Variants in FAT4 observed in about 807,000 individuals in gnomAD.
The protein encoded by FAT4 is protocadherin Fat 4.
Under a neutral mutation model 303.9 loss-of-function variants are expected in FAT4, and 84 were observed. The observed-to-expected ratio is 0.28, with a 90% CI of 0.23 to 0.33. The LOEUF is 0.33. Ranked by LOEUF, FAT4 falls within the 10% of genes least tolerant of loss-of-function variation. FAT4 has a pLI of 1.00. For missense variants in FAT4, 6,005 were observed against 6,146.8 expected (o/e 0.98, Z 0.77); for synonymous variants, 2,307 against 2,298.8 (o/e 1.00, Z -0.10).
At chr4:125,472,824 C>T (rs1726908973) in intron 12 of FAT4, among the ~76,000 whole-genome samples, 1 of 152,170 alleles carries the variant, frequency 6.6e-6, no homozygotes, top group South Asian at 2.1e-4. Flanking sequence ...GCTGCTCAGA[C>T]ATGTCATTCA....
chr4:125,371,984 A>C (rs2125992175), intron 2 of FAT4, among the ~76,000 whole-genome samples: 1 of 152,240 alleles, frequency 6.6e-6, no homozygotes, highest in African/African-American at 2.4e-5. Flanking sequence ...GGCACTTGAT[A>C]GGCATTTACT....
intron 7 of FAT4, among the ~76,000 whole-genome samples, chr4:125,433,535 T>C (rs1388814376): frequency 6.6e-6 from 1 of 152,160 alleles, no homozygotes; most frequent in Non-Finnish European, 1.5e-5. Flanking sequence ...CTAGTACAGA[T>C]AGTGTGGCCC....
At chr4:125,418,474 T>C (rs755820124) in intron 7 of FAT4, among the ~76,000 whole-genome samples, 109 of 152,320 alleles carry the variant, frequency 7.2e-4, no homozygotes, top group Non-Finnish European at 2.2e-4. Context: ...TAACTACTCC[T>C]GTCTACTGCT....
In FAT4 at chr4:125,450,225, CT is replaced by C; in HGVS notation, c.9217del (p.Ser3073ProfsTer7). 1 of 1,614,012 alleles carries C rather than the reference CT, an allele frequency of 6.2e-7. No individual in the cohort carries two copies. Among genetic ancestry groups the C allele is most frequent in the Non-Finnish European group, 8.5e-7 (1 of 1,179,994 alleles). On this transcript the variant is annotated frameshift_variant, in exon 10 of 18. Transcript: ENST00000394329. LOFTEE classifies it high-confidence loss of function. Reference sequence around the variant, plus strand: ...AAGGATAAGGGAAACCCTCCACTTTCTTCCCAAGCAACTGTTCACATAACTG... The same window carrying C: ...AAGGATAAGGGAAACCCTCCACTTTCTCCCAAGCAACTGTTCACATAACTG... ...TAKDKGNPPL[S>X]SQATVHITVT...
chr4:125,468,007 A>G (rs1053811682), intron 11 of FAT4, among the ~76,000 whole-genome samples: 3 of 152,140 alleles, frequency 2.0e-5, no homozygotes, highest in Non-Finnish European at 4.4e-5. Context: ...TCTATTAAAA[A>G]TACAAAATTA....
chr4:125,449,926 C>T lies in FAT4; in HGVS notation c.8916C>T (p.Thr2972=), dbSNP rs147020561. 8.1e-6 allele frequency: 13 copies of T among 1,613,666 alleles called. No homozygotes were observed. The highest frequency in any genetic ancestry group is 1.0e-5 in the Non-Finnish European group (12 of 1,179,920). Residue 2972 remains threonine, a synonymous_variant, in exon 10 of 18, where the codon ACC becomes ACT. Transcript: ENST00000394329. The part of the protein sequence containing the change: ...KPSLISETTV[T]INIVDSNDNA... The stretch of plus-strand genomic sequence containing the variant: ...CCTTAATTAGTGAGACAACAGTTAC[C>T]ATCAATATAGTGGACAGTAATGACA...
At chr4:125,366,947 T>G (rs528597791) in intron 2 of FAT4, among the ~76,000 whole-genome samples, 22 of 152,196 alleles carry the variant, frequency 1.4e-4, no homozygotes, top group African/African-American at 4.8e-4. Flanking sequence ...TTAATGGTAT[T>G]TGTTATTTTT....
chr4:125,339,598 C>T (rs1731701959), intron 2 of FAT4, among the ~76,000 whole-genome samples: 1 of 152,156 alleles, frequency 6.6e-6, no homozygotes, highest in African/African-American at 2.4e-5. Flanking sequence ...CTAAAACTAA[C>T]ATTTATTTAA....
chr4:125,462,983 G>C (rs1272423438), intron 10 of FAT4, among the ~76,000 whole-genome samples: 1 of 151,914 alleles, frequency 6.6e-6, no homozygotes, highest in Admixed American at 6.6e-5. Flanking sequence ...TATCGCTTCA[G>C]ACAAAAGACA....
chr4:125,359,107 A>G (rs940905133), intron 2 of FAT4, among the ~76,000 whole-genome samples: 1 of 152,190 alleles, frequency 6.6e-6, no homozygotes, highest in Non-Finnish European at 1.5e-5. Flanking sequence ...ATAAATATCT[A>G]TATAGAATTA....
chr4:125,428,824 C>T (rs567306628), intron 7 of FAT4, among the ~76,000 whole-genome samples: 9 of 152,258 alleles, frequency 5.9e-5, no homozygotes, highest in Admixed American at 2.0e-4. Flanking sequence ...TTCTTAACCT[C>T]TACAATTACA....
chr4:125,477,474 T>A, intron 14 of FAT4, 140 bp downstream of exon 14: 1 of 752,968 alleles, frequency 1.3e-6, no homozygotes, highest in Non-Finnish European at 2.0e-6. Context: ...TTTTAAATAC[T>A]ATACCTTTGA....
chr4:125,456,154 C>G (rs888252328), intron 10 of FAT4, among the ~76,000 whole-genome samples: 1 of 151,978 alleles, frequency 6.6e-6, no homozygotes, highest in East Asian at 1.9e-4. Context: ...GACTTCCAGC[C>G]CTTGCAATAT....
chr4:125,491,490 C>T lies in FAT4; in HGVS notation c.14674C>T (p.Pro4892Ser). ...AGATAATTATGGAGCCAGACTGAAG[C>T]CTCGAAGGTACCACGGTCGCAGGGC... ...DEDNYGARLK[P>S]RRYHGRRAEG... is the part of the protein sequence containing the mutation. Residue 4892 changes from proline (P) to serine (S), a missense_variant, in exon 18 of 18, where the codon CCT (proline) becomes TCT (serine). Pro to Ser is a moderately conservative substitution (Grantham distance 74, BLOSUM62 -1). Coordinates refer to ENST00000394329, the MANE Select transcript of FAT4 (RefSeq NM_001291303.3). The T allele has an allele frequency of 6.2e-7, 1 of 1,614,108 alleles. No homozygotes were observed. The highest frequency in any genetic ancestry group is 8.5e-7 in the Non-Finnish European group (1 of 1,180,018).
intron 2 of FAT4, among the ~76,000 whole-genome samples, chr4:125,380,530 T>C (rs1560788475): frequency 1.3e-5 from 2 of 152,206 alleles, no homozygotes; most frequent in Non-Finnish European, 2.9e-5. Flanking sequence ...AATCTCTCTT[T>C]AGTATTAGTT....
intron 17 of FAT4, among the ~76,000 whole-genome samples, chr4:125,488,400 C>T (rs1039355723): frequency 1.3e-5 from 2 of 152,134 alleles, no homozygotes; most frequent in African/African-American, 4.8e-5. Flanking sequence ...ATTCAGGCTA[C>T]AGCATGGAGA....
At chr4:125,440,629 G>GAGAGAGAA (rs1215760900) in intron 8 of FAT4, among the ~76,000 whole-genome samples, 1 of 151,322 alleles carries the variant, frequency 6.6e-6, no homozygotes, top group Non-Finnish European at 1.5e-5. Flanking sequence ...GAGAGAGAGA[G>GAGAGAGAA]AGAGAGAGAG....
chr4:125,366,086 G>A (rs1209943850), intron 2 of FAT4, among the ~76,000 whole-genome samples: 1 of 152,144 alleles, frequency 6.6e-6, no homozygotes, highest in Non-Finnish European at 1.5e-5. Flanking sequence ...CTGCTCTGTG[G>A]AACAATTGTC....
At chr4:125,488,814 G>C (rs1727500046) in intron 17 of FAT4, among the ~76,000 whole-genome samples, 1 of 152,164 alleles carries the variant, frequency 6.6e-6, no homozygotes, top group African/African-American at 2.4e-5. Flanking sequence ...TGAAGTACTG[G>C]ACATGGATGT....
Sources: gnomAD v4.1 joint callset for allele counts (sites outside exome capture counted in the v4.1 genomes callset) on GRCh38, gnomAD v4.1.1 for gene constraint, MANE v1.5 for transcripts, NCBI Gene and HGNC (gene_info 2026-07-23, HGNC 2026-07-21) for gene names.